The following FANCF variants were observed in gnomAD, a reference collection of about 807,000 sequenced individuals.
FANCF encodes the protein Fanconi anemia group F protein.
For synonymous variants in FANCF, 257 were observed against 205.9 expected, an observed-to-expected ratio of 1.25 and a Z score of -2.13; for missense variants, 552 against 481.8, an observed-to-expected ratio of 1.15 and a Z score of -1.36.
rs1445830983 is a variant in FANCF, at chr11:22,625,585, G to A, written c.226C>T (p.Pro76Ser). 1.9e-5 allele frequency: 31 copies of A among 1,613,820 alleles called. No individual in the cohort carries two copies. Among genetic ancestry groups the A allele is most frequent in the Non-Finnish European group, 2.6e-5 (31 of 1,180,022 alleles). The change falls in exon 1 of 1, where the codon CCA becomes TCA. Residue 76 changes from proline (P) to serine (S), a missense_variant. Coordinates refer to ENST00000327470, the MANE Select transcript of FANCF (RefSeq NM_022725.4). ...TGGAAGTTCGCTAATCCCGGAACTG[G>A]ACCCCGCCCAAAGCCGCCCTCTTGC... is the stretch of plus-strand genomic sequence containing the variant. ...WRQEGGFGRG[P>S]VPGLANFQAL...
rs769259296 is a variant in FANCF, at chr11:22,625,246, G to A, written c.565C>T (p.Leu189Phe). 2.5e-6 allele frequency: 4 copies of A among 1,614,044 alleles called. No individual in the cohort carries two copies. Among genetic ancestry groups the A allele is most frequent in the Non-Finnish European group, 2.5e-6 (3 of 1,180,058 alleles). ...KAEAERPARF[L>F]SSLWERLPQN... ...GGCAAGCGCTCCCACAGGCTGCTGAGAAACCTGGCGGGACGCTCCGCTTCG... is the reference window on the plus strand; with the variant it reads ...GGCAAGCGCTCCCACAGGCTGCTGAAAAACCTGGCGGGACGCTCCGCTTCG... Residue 189 changes from leucine to phenylalanine, a missense_variant, in exon 1 of 1, where the codon CTC becomes TTC. Leu to Phe is a conservative substitution (Grantham distance 22, BLOSUM62 0). Coordinates refer to ENST00000327470, the MANE Select transcript of FANCF (RefSeq NM_022725.4).
chr11:22,624,597 G>A lies in FANCF; in HGVS notation c.*89C>T, dbSNP rs1468100908. 1 of 1,117,924 alleles carries A rather than the reference G, an allele frequency of 8.9e-7. No homozygotes were observed. Among genetic ancestry groups the A allele is most frequent in the Non-Finnish European group, 1.3e-6 (1 of 741,564 alleles). The allele number at this position is 1,117,924 out of a possible 1,614,324, so 69.3% of individuals were successfully genotyped here. A position where few individuals can be genotyped will look rare whatever the true frequency, so the allele number is the denominator to read the frequency against. On this transcript the variant is annotated 3_prime_UTR_variant, in exon 1 of 1. Transcript: ENST00000327470. ...TAGCATCTAAAATAATTATACTTTG[G>A]ACACACGAAGGCATATATTTGGTGA...
rs2133796472 is a variant in FANCF at position 22,624,877 on chromosome 11, G to C, written c.934C>G (p.Gln312Glu). 1 of 1,614,138 alleles carries C rather than the reference G, an allele frequency of 6.2e-7. No homozygotes were observed. Among genetic ancestry groups the C allele is most frequent in the Non-Finnish European group, 8.5e-7 (1 of 1,180,018 alleles). Residue 312 changes from glutamine (Q) to glutamate (E), a missense_variant, in exon 1 of 1, where the codon CAA (glutamine) becomes GAA (glutamate). Coordinates refer to ENST00000327470, the MANE Select transcript of FANCF (RefSeq NM_022725.4). ...GGTGGAGGGGCCTGACAGAGGCTTT[G>C]AAACCTATTGTGCAACTCCTCCCAG... is the stretch of plus-strand genomic sequence containing the variant. The part of the protein sequence containing the change: ...VPWEELHNRF[Q>E]SLCQAPPPLK...
At position 22,623,725 on chromosome 11, in the gene FANCF, T is replaced by A; in HGVS notation, c.*961A>T. The A allele has an allele frequency of 5.5e-6, 1 of 182,664 alleles. No individual in the cohort carries two copies. Among genetic ancestry groups the A allele is most frequent in the Non-Finnish European group, 1.2e-5 (1 of 85,700 alleles). The allele number at this position is 182,664 out of a possible 1,614,324, so 11.3% of individuals were successfully genotyped here. On this transcript the variant is annotated 3_prime_UTR_variant, in exon 1 of 1. Coordinates refer to ENST00000327470, the MANE Select transcript of FANCF (RefSeq NM_022725.4). The stretch of plus-strand genomic sequence containing the variant: ...AAAATGTTGTTTTGGCCAGGCGCGG[T>A]GGCTCACGCCTGTAATCCCAGCACT...
chr11:22,624,552 T>TTTA lies in FANCF; in HGVS notation c.*131_*133dup. 1 of 823,756 alleles carries TTTA rather than the reference T, an allele frequency of 1.2e-6. No individual in the cohort carries two copies. Among genetic ancestry groups the TTTA allele is most frequent in the Admixed American group, 2.3e-5 (1 of 43,974 alleles). 51.0% of individuals were successfully genotyped at this position (823,756 alleles called of 1,614,324 possible). A position where few individuals can be genotyped will look rare whatever the true frequency, so the allele number is the denominator to read the frequency against. ...CAGCTACTTTGCATATTTATAACTGTTTAATAAACTATTCAAAATTAGCAT... is the reference window on the plus strand; with the variant it reads ...CAGCTACTTTGCATATTTATAACTGTTTATTAATAAACTATTCAAAATTAGCAT... On this transcript the variant is annotated 3_prime_UTR_variant, in exon 1 of 1. Transcript: ENST00000327470.
rs1014086470 is a variant in FANCF, at chr11:22,624,556, A to T, written c.*130T>A. ...TACTTTGCATATTTATAACTGTTTA[A>T]TAAACTATTCAAAATTAGCATCTAA... On this transcript the variant is annotated 3_prime_UTR_variant, in exon 1 of 1. Transcript: ENST00000327470. 1.2e-6 allele frequency: 1 copy of T among 845,060 alleles called. No homozygotes were observed. The highest frequency in any genetic ancestry group is 1.7e-5 in the African/African-American group (1 of 58,596). The allele number at this position is 845,060 out of a possible 1,614,324, so 52.3% of individuals were successfully genotyped here. A position where few individuals can be genotyped will look rare whatever the true frequency, so the allele number is the denominator to read the frequency against.
chr11:22,625,030 TCAAAAGC>T lies in FANCF; in HGVS notation c.774_780del (p.Leu260Ter), dbSNP rs1309840208. 1 of 1,614,104 alleles carries T rather than the reference TCAAAAGC, an allele frequency of 6.2e-7. No homozygotes were observed. The highest frequency in any genetic ancestry group is 8.5e-7 in the Non-Finnish European group (1 of 1,180,024). On this transcript the variant is annotated frameshift_variant, in exon 1 of 1. Transcript: ENST00000327470. LOFTEE classifies it low-confidence loss of function (END_TRUNC). ...GCTGGGTGGCGGCTAGTCACTAAAG[TCAAAAGC>T]CCGGCTGGGAGGGCGCGACAAAAGG...
chr11:22,625,509 C>T lies in FANCF; in HGVS notation c.302G>A (p.Arg101Gln), dbSNP rs1423734778. Residue 101 changes from arginine to glutamine, a missense_variant, in exon 1 of 1, where the codon CGG (arginine) becomes CAG (glutamine). Physicochemically the swap from Arg to Gln is conservative, Grantham distance 43. Transcript: ENST00000327470. ...GTAACGAGCTGCATCCCCGAGGGCCCGGTTCTCCAGCAGGCGCAGAGAGAG... is the reference window on the plus strand; with the variant it reads ...GTAACGAGCTGCATCCCCGAGGGCCTGGTTCTCCAGCAGGCGCAGAGAGAG... Reference protein sequence around the residue: ...VLLSLRLLENRALGDAARYHL... With the variant: ...VLLSLRLLENQALGDAARYHL... 6.2e-7 allele frequency: 1 copy of T among 1,614,196 alleles called. No homozygotes were observed. Among genetic ancestry groups the T allele is most frequent in the Non-Finnish European group, 8.5e-7 (1 of 1,180,032 alleles).
Position 22,625,643 on chromosome 11 carries a change from CG to C in FANCF, c.167del (p.Thr56ArgfsTer25), listed in dbSNP as rs763240240. ...GGTTGTGCAGCCGCCGCTCCAGAGCCGTGCGAATGGGGCCATGCCGACCAAA... is the reference window on the plus strand; with the variant it reads ...GGTTGTGCAGCCGCCGCTCCAGAGCCTGCGAATGGGGCCATGCCGACCAAA... ...RRFGRHGPIR[T>X]ALERRLHNQW... On this transcript the variant is annotated frameshift_variant, in exon 1 of 1. Transcript: ENST00000327470. LOFTEE classifies it low-confidence loss of function (END_TRUNC). The C allele has an allele frequency of 2.5e-6, 4 of 1,613,956 alleles. No individual in the cohort carries two copies. The East Asian group carries it at 8.9e-5, about 36-fold the overall frequency.
Position 22,625,054 on chromosome 11 carries a change from G to C in FANCF, c.757C>G (p.Arg253Gly), listed in dbSNP as rs202070509. ...GTCAAAAGCCCGGCTGGGAGGGCGC[G>C]ACAAAAGGCAGCAAAGACTTCCGAA... is the stretch of plus-strand genomic sequence containing the variant. ...GNSEVFAAFC[R>G]ALPAGLLTLV... Residue 253 changes from arginine to glycine, a missense_variant, in exon 1 of 1, where the codon CGC becomes GGC. Arg to Gly is a moderately radical substitution (Grantham distance 125). Coordinates refer to ENST00000327470, the MANE Select transcript of FANCF (RefSeq NM_022725.4). The C allele has an allele frequency of 3.7e-6, 6 of 1,614,006 alleles. No individual in the cohort carries two copies. Among genetic ancestry groups the C allele is most frequent in the Admixed American group, 1.7e-5 (1 of 60,006 alleles).
Position 22,625,154 on chromosome 11 carries a change from T to C in FANCF, c.657A>G (p.Gln219=), listed in dbSNP as rs1465227103. 2.5e-6 allele frequency: 4 copies of C among 1,608,620 alleles called. No individual in the cohort carries two copies. Among genetic ancestry groups the C allele is most frequent in the Non-Finnish European group, 1.7e-6 (2 of 1,176,786 alleles). The change falls in exon 1 of 1, where the codon CAA becomes CAG. Residue 219 remains glutamine, a synonymous_variant. Transcript: ENST00000327470. ...LLQPPLSRRP[Q]EELEPGIHKS... The stretch of plus-strand genomic sequence containing the variant: ...TGTGGATGCCGGGTTCCAACTCTTC[T>C]TGGGGCCGACGAGACAAAGGCGGCT...
chr11:22,625,058 A>G lies in FANCF; in HGVS notation c.753T>C (p.Phe251=). ...AAAGCCCGGCTGGGAGGGCGCGACA[A>G]AAGGCAGCAAAGACTTCCGAATTCC... ...LLGNSEVFAA[F]CRALPAGLLT... is the part of the protein sequence containing the mutation. The change falls in exon 1 of 1, where the codon TTT becomes TTC. Residue 251 remains phenylalanine, a synonymous_variant. Transcript: ENST00000327470. The G allele has an allele frequency of 1.2e-6, 2 of 1,614,124 alleles. No homozygotes were observed. Among genetic ancestry groups the G allele is most frequent in the Non-Finnish European group, 1.7e-6 (2 of 1,179,976 alleles).
Position 22,625,253 on chromosome 11 carries a change from G to C in FANCF, c.558C>G (p.Ala186=), listed in dbSNP as rs1198247121. 1 of 1,614,152 alleles carries C rather than the reference G, an allele frequency of 6.2e-7. No homozygotes were observed. Among genetic ancestry groups the C allele is most frequent in the South Asian group, 1.1e-5 (1 of 91,090 alleles). The change falls in exon 1 of 1, where the codon GCC becomes GCG. Residue 186 remains alanine (A), a synonymous_variant. Transcript: ENST00000327470. ...GCTCCCACAGGCTGCTGAGAAACCT[G>C]GCGGGACGCTCCGCTTCGGCCTTCC... ...EVGKAEAERP[A]RFLSSLWERL... is the part of the protein sequence containing the mutation.
chr11:22,625,561 G>C lies in FANCF; in HGVS notation c.250C>G (p.Gln84Glu). 6.2e-7 allele frequency: 1 copy of C among 1,614,068 alleles called. No individual in the cohort carries two copies. The highest frequency in any genetic ancestry group is 8.5e-7 in the Non-Finnish European group (1 of 1,180,030). ...RGPVPGLANF[Q>E]ALGHCDVLLS... Reference sequence around the variant, plus strand: ...AGGACGTCACAGTGACCGAGGGCCTGGAAGTTCGCTAATCCCGGAACTGGA... The same window carrying C: ...AGGACGTCACAGTGACCGAGGGCCTCGAAGTTCGCTAATCCCGGAACTGGA... Residue 84 changes from glutamine to glutamate, a missense_variant, in exon 1 of 1, where the codon CAG becomes GAG. Gln to Glu is a conservative substitution (Grantham distance 29). Transcript: ENST00000327470.
At position 22,622,535 on chromosome 11, in the gene FANCF, C is replaced by T. The variant is rs749668168; in HGVS notation, c.*2151G>A. On this transcript the variant is annotated 3_prime_UTR_variant, in exon 1 of 1. Transcript: ENST00000327470. ...CAAATATTCTATTTTTATAGTCTTC[C>T]TCTCACTTTTTTCTCTCTCAGTGTA... 5.7e-6 allele frequency: 1 copy of T among 176,830 alleles called. No individual in the cohort carries two copies. The highest frequency in any genetic ancestry group is 1.2e-5 in the Non-Finnish European group (1 of 82,214). The allele number at this position is 176,830 out of a possible 1,614,324, so 11.0% of individuals were successfully genotyped here. A position where few individuals can be genotyped will look rare whatever the true frequency, so the allele number is the denominator to read the frequency against.
Position 22,625,782 on chromosome 11 carries a change from C to G in FANCF, c.29G>C (p.Arg10Pro). The part of the protein sequence containing the change: MESLLQHLD[R>P]FSELLAVSST... Reference sequence around the variant, plus strand: ...TGAGACCGCCAGAAGCTCGGAAAAGCGATCCAGGTGCTGCAGAAGGGATTC... The same window carrying G: ...TGAGACCGCCAGAAGCTCGGAAAAGGGATCCAGGTGCTGCAGAAGGGATTC... Residue 10 changes from arginine (R) to proline (P), a missense_variant, in exon 1 of 1, where the codon CGC becomes CCC. By Grantham distance (103) the Arg-to-Pro change is moderately radical. Coordinates refer to ENST00000327470, the MANE Select transcript of FANCF (RefSeq NM_022725.4). 2 of 1,614,130 alleles carry G rather than the reference C, an allele frequency of 1.2e-6. No homozygotes were observed. Among genetic ancestry groups the G allele is most frequent in the Non-Finnish European group, 1.7e-6 (2 of 1,180,030 alleles).
rs771596222 is a variant in FANCF, at chr11:22,625,403, A to AAGGCGGGCC, written c.399_407dup (p.Leu136_Arg138dup). On this transcript the variant is annotated inframe_insertion, in exon 1 of 1. Transcript: ENST00000327470. Reference sequence around the variant, plus strand: ...TGTGCACCGCAGACCGCCGGCGGGCAAGGCGGGCCAGGCTCTCTTGGAGTG... The same window carrying AAGGCGGGCC: ...TGTGCACCGCAGACCGCCGGCGGGCAAGGCGGGCCAGGCGGGCCAGGCTCTCTTGGAGTG... The AAGGCGGGCC allele has an allele frequency of 5.0e-5, 80 of 1,614,194 alleles. No individual in the cohort carries two copies. Among genetic ancestry groups the AAGGCGGGCC allele is most frequent in the South Asian group, 2.2e-4 (20 of 91,090 alleles).
chr11:22,623,684 C>A lies in FANCF; in HGVS notation c.*1002G>T. 5.4e-6 allele frequency: 1 copy of A among 186,062 alleles called. No individual in the cohort carries two copies. Among genetic ancestry groups the A allele is most frequent in the South Asian group, 2.0e-4 (1 of 5,110 alleles). The allele number at this position is 186,062 out of a possible 1,614,324, so 11.5% of individuals were successfully genotyped here. On this transcript the variant is annotated 3_prime_UTR_variant, in exon 1 of 1. Coordinates refer to ENST00000327470, the MANE Select transcript of FANCF (RefSeq NM_022725.4). ...GTTAACGGCAGAAGCTGCACTAAAA[C>A]CTGGATCTTCTACTTAAAATGTTGT...
Position 22,624,388 on chromosome 11 carries a change from T to C in FANCF, c.*298A>G, listed in dbSNP as rs934270857. The C allele has an allele frequency of 2.4e-6, 1 of 412,006 alleles. No individual in the cohort carries two copies. Among genetic ancestry groups the C allele is most frequent in the Non-Finnish European group, 4.4e-6 (1 of 226,736 alleles). The allele number at this position is 412,006 out of a possible 1,614,324, so 25.5% of individuals were successfully genotyped here. A position where few individuals can be genotyped will look rare whatever the true frequency, so the allele number is the denominator to read the frequency against. ...TTGTTTGTCACTTTAAAGCTGCTTT[T>C]TCTTTAAACGGTACACATATTTTCA... is the stretch of plus-strand genomic sequence containing the variant. On this transcript the variant is annotated 3_prime_UTR_variant, in exon 1 of 1. Transcript: ENST00000327470.
Sources: gnomAD v4.1 joint callset for allele counts on GRCh38, gnomAD v4.1.1 for gene constraint, MANE v1.5 for transcripts, NCBI Gene and HGNC (gene_info 2026-07-23, HGNC 2026-07-21) for gene names.